SUGCT: variants seen among roughly 807,000 people sequenced by gnomAD.
The protein encoded by SUGCT is succinyl-CoA:glutarate CoA-transferase.
Under a neutral mutation model 55.0 loss-of-function variants are expected in SUGCT, and 41 were observed. The observed-to-expected ratio is 0.74, with a 90% CI of 0.58 to 0.97. SUGCT has a LOEUF of 0.97. SUGCT is among the 50% of genes least tolerant of loss of function. The pLI is 0.00. For synonymous variants in SUGCT, 187 were observed against 200.4 expected, an observed-to-expected ratio of 0.93 and a Z score of 0.56; for missense variants, 568 against 547.8, an observed-to-expected ratio of 1.04 and a Z score of -0.37.
At chr7:40,147,036 C>T (rs1309666334) in intron 1 of SUGCT, among the ~76,000 whole-genome samples, 1 of 108,588 alleles carries the variant, frequency 9.2e-6, no homozygotes, top group African/African-American at 5.2e-5. Flanking sequence ...TTCTCTCTGC[C>T]TCTCTTTCTC....
chr7:40,444,790 T>C (rs918901921), intron 9 of SUGCT, among the ~76,000 whole-genome samples: 6 of 152,146 alleles, frequency 3.9e-5, no homozygotes, highest in Non-Finnish European at 7.4e-5. Flanking sequence ...GAGGGCATCC[T>C]TGTCTTGTGC....
chr7:40,429,819 C>A (rs1048973800), intron 9 of SUGCT, among the ~76,000 whole-genome samples: 27 of 152,304 alleles, frequency 1.8e-4, no homozygotes, highest in South Asian at 6.2e-4. Flanking sequence ...CAAGTTGACA[C>A]TTAATATTAA....
At chr7:40,876,353 C>T in the SUGCT span, among the ~76,000 whole-genome samples, 1 of 152,102 alleles carries the variant, frequency 6.6e-6, no homozygotes, top group African/African-American at 2.4e-5. Context: ...TTCATGTGCA[C>T]ATAGGAAGTC....
chr7:40,646,052 C>A (rs967801718), intron 12 of SUGCT, among the ~76,000 whole-genome samples: 1 of 152,190 alleles, frequency 6.6e-6, no homozygotes, highest in Non-Finnish European at 1.5e-5. Context: ...ATACCCCCAA[C>A]AAGATTTTCT....
intron 12 of SUGCT, among the ~76,000 whole-genome samples, chr7:40,726,916 G>T (rs2128691488): frequency 1.3e-5 from 2 of 152,312 alleles, no homozygotes; most frequent in South Asian, 4.1e-4. Context: ...CATTTGCATG[G>T]CAGGAGAAGG....
chr7:40,449,200 G>A (rs1000098922), intron 9 of SUGCT, 87 bp from the exon 10 acceptor site: 6 of 832,898 alleles, frequency 7.2e-6, no homozygotes, highest in African/African-American at 3.4e-5. Flanking sequence ...TTTAGAACAA[G>A]CTTTCTATAT....
intron 9 of SUGCT, among the ~76,000 whole-genome samples, chr7:40,444,204 G>A (rs1366625381): frequency 1.9e-4 from 29 of 152,176 alleles, no homozygotes; most frequent in Non-Finnish European, 3.5e-4. Context: ...TTGGCAATGC[G>A]GGCTCTTTTT....
chr7:40,141,255 G>A (rs1787965628), intron 1 of SUGCT, among the ~76,000 whole-genome samples: 1 of 151,508 alleles, frequency 6.6e-6, no homozygotes, highest in Non-Finnish European at 1.5e-5. Context: ...TAGGCTCACT[G>A]CAAAGGCCTC....
chr7:40,737,268 G>T (rs1042368259), intron 12 of SUGCT, among the ~76,000 whole-genome samples: 4 of 152,008 alleles, frequency 2.6e-5, no homozygotes, highest in Non-Finnish European at 5.9e-5. Flanking sequence ...ATGTTGCTAT[G>T]AAAAAAATGC....
chr7:40,235,127 A>G (rs921756731), intron 6 of SUGCT, among the ~76,000 whole-genome samples: 1 of 152,040 alleles, frequency 6.6e-6, no homozygotes, highest in Non-Finnish European at 1.5e-5. Flanking sequence ...TTTTTTAATC[A>G]TCAATAATTA....
At chr7:40,884,118 T>C in the SUGCT span, among the ~76,000 whole-genome samples, 1 of 152,174 alleles carries the variant, frequency 6.6e-6, no homozygotes, top group Non-Finnish European at 1.5e-5. Flanking sequence ...TTTCCTGACA[T>C]TTGGTTCTTT....
intron 1 of SUGCT, among the ~76,000 whole-genome samples, chr7:40,151,010 G>A (rs1788538138): frequency 6.6e-6 from 1 of 152,168 alleles, no homozygotes. Context: ...GCTGAGGCGG[G>A]CGGATTGCAA....
At chr7:40,638,822 G>T (rs529722521) in intron 12 of SUGCT, among the ~76,000 whole-genome samples, 16 of 152,242 alleles carry the variant, frequency 1.1e-4, no homozygotes, top group Non-Finnish European at 1.3e-4. Context: ...GAGTAATAGG[G>T]TACGTCAGAA....
chr7:40,423,434 A>G (rs1163055676), intron 9 of SUGCT, among the ~76,000 whole-genome samples: 1 of 152,136 alleles, frequency 6.6e-6, no homozygotes, highest in African/African-American at 2.4e-5. Flanking sequence ...ATATTTATCA[A>G]TTTAAGTAAC....
chr7:40,319,858 T>C (rs1333193201), intron 9 of SUGCT, among the ~76,000 whole-genome samples: 1 of 152,198 alleles, frequency 6.6e-6, no homozygotes, highest in Non-Finnish European at 1.5e-5. Flanking sequence ...GTTCTCACTT[T>C]GTTGTCCAGG....
intron 9 of SUGCT, among the ~76,000 whole-genome samples, chr7:40,324,719 G>A (rs917724103): frequency 2.6e-5 from 4 of 152,186 alleles, no homozygotes; most frequent in Admixed American, 1.3e-4. Flanking sequence ...ATTCTATGAT[G>A]TGGTCTGTGC....
chr7:40,778,304 G>A (rs571351341), intron 13 of SUGCT, among the ~76,000 whole-genome samples: 20 of 152,328 alleles, frequency 1.3e-4, no homozygotes, highest in African/African-American at 4.1e-4. Context: ...GATTAGAATC[G>A]TGACAATCTA....
chr7:40,157,012 C>CAAAA (rs3046489), intron 1 of SUGCT, among the ~76,000 whole-genome samples: 21 of 116,838 alleles, frequency 1.8e-4, no homozygotes, highest in African/African-American at 4.6e-4. Context: ...AAGACTGTCT[C>CAAAA]AAAAAAAAAA....
chr7:40,332,877 AGT>A (rs936739444), intron 9 of SUGCT, among the ~76,000 whole-genome samples: 1 of 152,208 alleles, frequency 6.6e-6, no homozygotes, highest in African/African-American at 2.4e-5. Flanking sequence ...GGTGTCAGGC[AGT>A]GGAGGGAGTA....
Sources: allele counts gnomAD v4.1 joint callset (sites outside exome capture counted in the v4.1 genomes callset), GRCh38; gene constraint gnomAD v4.1.1; transcripts MANE v1.5; gene names NCBI Gene and HGNC (gene_info 2026-07-23, HGNC 2026-07-21).